The following ST8SIA1 variants were observed in gnomAD, a reference collection of about 807,000 sequenced individuals.
ST8SIA1 encodes ST8 alpha-N-acetyl-neuraminide alpha-2,8-sialyltransferase 1.
In ST8SIA1, 16 loss-of-function variants were observed where a neutral mutation model predicts 35.9. The observed-to-expected ratio is 0.45, with a 90% CI of 0.30 to 0.68. ST8SIA1 has a LOEUF of 0.68. Among genes scored for constraint, ST8SIA1 ranks in the 30% least tolerant of loss-of-function variants. ST8SIA1 has a pLI of 0.09. For missense variants in ST8SIA1, 383 were observed against 453.6 expected, an observed-to-expected ratio of 0.84 and a Z score of 1.41; for synonymous variants, 170 against 169.6, an observed-to-expected ratio of 1.00 and a Z score of -0.02.
chr12:22,247,029 C>T (rs1407615557), intron 4 of ST8SIA1, among the ~76,000 whole-genome samples: 1 of 152,068 alleles, frequency 6.6e-6, no homozygotes, highest in Non-Finnish European at 1.5e-5. Flanking sequence ...CCCTGTCCTT[C>T]CTCCATTTGT....
intron 2 of ST8SIA1, among the ~76,000 whole-genome samples, chr12:22,271,247 T>A (rs61921823): frequency 1.3e-5 from 2 of 152,152 alleles, no homozygotes; most frequent in Non-Finnish European, 2.9e-5. Context: ...CTAAACAGAA[T>A]GCCAAGCCCA....
At chr12:22,234,490 C>G (rs762039900) in intron 4 of ST8SIA1, among the ~76,000 whole-genome samples, 1 of 152,070 alleles carries the variant, frequency 6.6e-6, no homozygotes, top group East Asian at 1.9e-4. Flanking sequence ...AACCATCATC[C>G]GCTGGTGGTT....
At chr12:22,265,681 C>T (rs1251773667) in intron 2 of ST8SIA1, among the ~76,000 whole-genome samples, 1 of 152,078 alleles carries the variant, frequency 6.6e-6, no homozygotes, top group Admixed American at 6.5e-5. Context: ...AATCTCAGAG[C>T]CATTTTTGCT....
chr12:22,199,391 C>A lies in ST8SIA1; in HGVS notation c.*2161G>T, dbSNP rs766188176. On this transcript the variant is annotated 3_prime_UTR_variant, in exon 5 of 5. Coordinates refer to ENST00000396037, the MANE Select transcript of ST8SIA1 (RefSeq NM_003034.4). ...AACTTTTATATGCGTTTTTGTTAAG[C>A]CTTTTATATTTTTAATGGTAGACTA... is the stretch of plus-strand genomic sequence containing the variant. 1 of 151,780 alleles carries A rather than the reference C, an allele frequency of 6.6e-6. No individual in the cohort carries two copies. The highest frequency in any genetic ancestry group is 1.9e-4 in the East Asian group (1 of 5,184). The allele number at this position is 151,780 out of a possible 1,614,324, so 9.4% of individuals were successfully genotyped here. A position where few individuals can be genotyped will look rare whatever the true frequency, so the allele number is the denominator to read the frequency against.
At chr12:22,238,666 A>G (rs930145987) in intron 4 of ST8SIA1, among the ~76,000 whole-genome samples, 2 of 152,122 alleles carry the variant, frequency 1.3e-5, no homozygotes, top group Non-Finnish European at 2.9e-5. Context: ...AGAGCTAAAA[A>G]CACTTCAATC....
In ST8SIA1 at chr12:22,249,231, T is replaced by G. The variant is rs537306399; in HGVS notation, c.492-133A>C. 8 of 641,280 alleles carry G rather than the reference T, an allele frequency of 1.2e-5. No individual in the cohort carries two copies. The African/African-American group carries it at 1.3e-4, about 10-fold the overall frequency. 39.7% of individuals were successfully genotyped at this position (641,280 alleles called of 1,614,324 possible). On this transcript the variant is annotated intron_variant, in intron 3 of 4. Transcript: ENST00000396037. Reference sequence around the variant, plus strand: ...CTGTTTTGTTTTTTGTTTTTTTTTTTTTTTTGAGATGGAGTCTCGCTCTGT... The same window carrying G: ...CTGTTTTGTTTTTTGTTTTTTTTTTGTTTTTGAGATGGAGTCTCGCTCTGT...
At chr12:22,225,290 T>A (rs1865343454) in intron 4 of ST8SIA1, among the ~76,000 whole-genome samples, 2 of 152,178 alleles carry the variant, frequency 1.3e-5, no homozygotes, top group African/African-American at 4.8e-5. Flanking sequence ...ATATGGCCTC[T>A]GATGAAGATT....
At chr12:22,241,582 T>TCTTTTCTTTTCTTTAA in intron 4 of ST8SIA1, among the ~76,000 whole-genome samples, 1 of 148,970 alleles carries the variant, frequency 6.7e-6, no homozygotes, top group African/African-American at 2.5e-5. Flanking sequence ...TCTTTAAGAA[T>TCTTTTCTTTTCTTTAA]TACCCAGACT....
At chr12:22,227,114 T>G (rs1314745399) in intron 4 of ST8SIA1, among the ~76,000 whole-genome samples, 1 of 151,782 alleles carries the variant, frequency 6.6e-6, no homozygotes, top group Non-Finnish European at 1.5e-5. Context: ...CCTGGCTAAT[T>G]TTTGTATTTT....
At position 22,210,630 on chromosome 12, in the gene ST8SIA1, G is replaced by A. The variant is rs2120633204; in HGVS notation, c.585-8592C>T. On this transcript the variant is annotated intron_variant, in intron 4 of 4. Coordinates refer to ENST00000396037, the MANE Select transcript of ST8SIA1 (RefSeq NM_003034.4). ...CTCCAGAACTTCTGACCAGCTGGCTGCACGCTGAGGTTCCTGCAATCCCTT... is the reference window on the plus strand; with the variant it reads ...CTCCAGAACTTCTGACCAGCTGGCTACACGCTGAGGTTCCTGCAATCCCTT... 2.0e-5 allele frequency among the ~76,000 whole-genome samples: 3 copies of A among 152,300 alleles called. No homozygotes were observed. The Middle Eastern group carries it at 0.01, about 518-fold the overall frequency.
At chr12:22,234,854 A>G (rs1865458690) in intron 4 of ST8SIA1, among the ~76,000 whole-genome samples, 2 of 144,012 alleles carry the variant, frequency 1.4e-5, no homozygotes, top group Admixed American at 1.4e-4. Context: ...GCAGCTCACA[A>G]TCAATAAAAT....
intron 3 of ST8SIA1, among the ~76,000 whole-genome samples, chr12:22,252,364 T>C (rs1422056989): frequency 6.6e-6 from 1 of 152,188 alleles, no homozygotes; most frequent in Non-Finnish European, 1.5e-5. Context: ...ATATATAATA[T>C]CTCGATACAT....
chr12:22,243,578 C>T (rs1035148295), intron 4 of ST8SIA1, among the ~76,000 whole-genome samples: 1 of 73,686 alleles, frequency 1.4e-5, no homozygotes, highest in African/African-American at 4.4e-5. Context: ...GCAGTCTCAG[C>T]TGTATTTAAC....
chr12:22,318,118 T>C (rs1209442250), intron 1 of ST8SIA1, among the ~76,000 whole-genome samples: 1 of 152,216 alleles, frequency 6.6e-6, no homozygotes, highest in East Asian at 1.9e-4. Context: ...AAGACCTTTA[T>C]GTTTGATTAA....
intron 1 of ST8SIA1, among the ~76,000 whole-genome samples, chr12:22,307,406 G>C (rs936617737): frequency 4.6e-5 from 7 of 152,146 alleles, no homozygotes; most frequent in African/African-American, 1.7e-4. Flanking sequence ...TGCCAGCCGG[G>C]TGATAAGATG....
intron 4 of ST8SIA1, among the ~76,000 whole-genome samples, chr12:22,227,303 G>T (rs368271268): frequency 6.6e-6 from 1 of 151,928 alleles, no homozygotes; most frequent in Non-Finnish European, 1.5e-5. Flanking sequence ...GGCCAGGCGC[G>T]GTGGCTCACA....
chr12:22,270,711 T>G (rs1865902971), intron 2 of ST8SIA1, among the ~76,000 whole-genome samples: 1 of 152,206 alleles, frequency 6.6e-6, no homozygotes, highest in Admixed American at 6.5e-5. Flanking sequence ...GGACGCTGTA[T>G]GTGATTCTGG....
In ST8SIA1 at chr12:22,255,631, T is replaced by C. The variant is rs529840487; in HGVS notation, c.382-242A>G. 2.4e-3 allele frequency among the ~76,000 whole-genome samples: 362 copies of C among 152,202 alleles called. 2 individuals are homozygous for C. The highest frequency in any genetic ancestry group is 8.5e-3 in the African/African-American group (351 of 41,490). ...TGCATTTAAATATAACAACATTTAT[T>C]TTTTTCCTCTCCAATTGGCCATGCA... is the stretch of plus-strand genomic sequence containing the variant. On this transcript the variant is annotated intron_variant, in intron 2 of 4. Transcript: ENST00000396037.
At position 22,334,241 on chromosome 12, in the gene ST8SIA1, C is replaced by T; in HGVS notation, c.-9G>A. On this transcript the variant is annotated 5_prime_UTR_variant, in exon 1 of 5. Transcript: ENST00000396037. ...CGCCCGCAGGGGCTCATCGCAGCCC[C>T]GGCGTCCCAGGGGCGGGGGCCGGGG... 2 of 1,608,020 alleles carry T rather than the reference C, an allele frequency of 1.2e-6. No individual in the cohort carries two copies. Among genetic ancestry groups the T allele is most frequent in the Non-Finnish European group, 1.7e-6 (2 of 1,177,468 alleles).
Sources: gnomAD v4.1 joint callset for allele counts (sites outside exome capture counted in the v4.1 genomes callset) on GRCh38, gnomAD v4.1.1 for gene constraint, MANE v1.5 for transcripts, NCBI Gene and HGNC (gene_info 2026-07-23, HGNC 2026-07-21) for gene names.